Variants in SLC6A19 observed in about 807,000 individuals in gnomAD.
SLC6A19 encodes the protein sodium-dependent neutral amino acid transporter B(0)AT1.
Under a neutral mutation model 68.3 loss-of-function variants are expected in SLC6A19, and 67 were observed. That is an observed-to-expected ratio of 0.98 (90% CI 0.81 to 1.20). The LOEUF (loss-of-function observed/expected upper bound fraction) is 1.20. Ranked by LOEUF, SLC6A19 falls within the 50% of genes most tolerant of loss-of-function variation. The pLI, the probability that SLC6A19 is intolerant of heterozygous loss-of-function variation, is 0.00. For synonymous variants in SLC6A19, 392 were observed against 374.9 expected (o/e 1.05, Z -0.53); for missense variants, 813 against 851.6 (o/e 0.95, Z 0.56).
chr5:1,210,965 C>T (rs1746011934), intron 3 of SLC6A19, among the ~76,000 whole-genome samples: 1 of 152,236 alleles, frequency 6.6e-6, no homozygotes, highest in South Asian at 2.1e-4. Flanking sequence ...TGGGTCTGTC[C>T]TGCCCATGTG....
chr5:1,219,151 C>T, intron 9 of SLC6A19, 44 bp downstream of exon 9: 1 of 1,566,300 alleles, frequency 6.4e-7, no homozygotes, highest in South Asian at 1.2e-5. Context: ...ATGGTGCCAC[C>T]TGTGGGATGG....
intron 1 of SLC6A19, among the ~76,000 whole-genome samples, chr5:1,205,436 C>A (rs1745826717): frequency 1.3e-5 from 2 of 152,220 alleles, no homozygotes; most frequent in Non-Finnish European, 2.9e-5. Context: ...GTGTGCCCCC[C>A]ACCCCCAGTC....
At position 1,212,588 on chromosome 5, in the gene SLC6A19, G is replaced by A; in HGVS notation, c.663+104G>A. On this transcript the variant is annotated intron_variant, in intron 4 of 11. Transcript: ENST00000304460. This position sits in a 1 kb window ranked among gnomAD's most constrained non-coding sequence, Gnocchi z 5.1. ...TAAAACCCAGGTCTGGGGGTCCCGG[G>A]CTCTGCCTTTCCCCAGACCCCACCA... 3 of 1,445,206 alleles carry A rather than the reference G, an allele frequency of 2.1e-6. No homozygotes were observed. In the South Asian group the frequency reaches 3.5e-5, roughly 17 times the overall value. The allele number at this position is 1,445,206 out of a possible 1,614,324, so 89.5% of individuals were successfully genotyped here.
chr5:1,217,036 G>T, intron 8 of SLC6A19, 91 bp downstream of exon 8: 1 of 1,592,060 alleles, frequency 6.3e-7, no homozygotes, highest in South Asian at 1.1e-5. Flanking sequence ...GCCTGTGGAG[G>T]ACGCAGATGC....
At chr5:1,208,517 C>T (rs1400578775) in intron 1 of SLC6A19, among the ~76,000 whole-genome samples, 4 of 152,186 alleles carry the variant, frequency 2.6e-5, no homozygotes, top group African/African-American at 4.8e-5. Flanking sequence ...CATAGGCGAC[C>T]TCAGCCTGTG....
rs764728074 is a variant in SLC6A19, at chr5:1,212,271, A to G, written c.482-32A>G. 2.1e-5 allele frequency: 34 copies of G among 1,611,588 alleles called. No homozygotes were observed. The South Asian group carries it at 3.5e-4, about 17-fold the overall frequency. On this transcript the variant is annotated intron_variant, in intron 3 of 11. Transcript: ENST00000304460. The surrounding 1 kb of genome is among the most constrained non-coding windows in gnomAD (Gnocchi z 5.1). ...CATTCTCCTCCCTTGGGGGACCCGT[A>G]CCCTGAGGTGTGTGAATGGCCCTCT...
At chr5:1,219,893 G>T (rs893061936) in intron 10 of SLC6A19, among the ~76,000 whole-genome samples, 1 of 152,204 alleles carries the variant, frequency 6.6e-6, no homozygotes, top group Non-Finnish European at 1.5e-5. Context: ...GAGCCGGGAA[G>T]CCCAGTGGAG....
At position 1,214,306 on chromosome 5, in the gene SLC6A19, C is replaced by G. The variant is rs1160779970; in HGVS notation, c.887+241C>G. On this transcript the variant is annotated intron_variant, in intron 6 of 11. Transcript: ENST00000304460. The surrounding 1 kb of genome is among the most constrained non-coding windows in gnomAD (Gnocchi z 7.4). ...CCGGGCGCCTGCAGCTTTCCCCACA[C>G]CCGTCCCTCCACGAGCCTGGTGCAG... Among the ~76,000 whole-genome samples, 2 of 152,102 alleles carry G rather than the reference C, an allele frequency of 1.3e-5. 1 individual carries two copies.
chr5:1,203,330 C>T (rs115436399), intron 1 of SLC6A19, among the ~76,000 whole-genome samples: 2,571 of 152,308 alleles, frequency 0.017, 68 homozygotes, highest in African/African-American at 0.059. Context: ...CCGCTGTGCA[C>T]GGTGGAGCCT....
intron 1 of SLC6A19, among the ~76,000 whole-genome samples, chr5:1,205,530 G>A (rs1329204137): frequency 6.6e-6 from 1 of 152,240 alleles, no homozygotes; most frequent in Non-Finnish European, 1.5e-5. Context: ...CCTTCAGAAA[G>A]GAGAGCCACC....
intron 1 of SLC6A19, among the ~76,000 whole-genome samples, chr5:1,205,951 C>T (rs1327075016): frequency 2.0e-5 from 3 of 152,176 alleles, no homozygotes; most frequent in South Asian, 2.1e-4. Flanking sequence ...TCCAGCATCC[C>T]GCCAGCCCAC....
rs189960967 is a variant in SLC6A19, at chr5:1,215,875, G to T, written c.888-683G>T. Among the ~76,000 whole-genome samples, 1 of 152,168 alleles carries T rather than the reference G, an allele frequency of 6.6e-6. No individual in the cohort carries two copies. The highest frequency in any genetic ancestry group is 1.5e-5 in the Non-Finnish European group (1 of 68,026). On this transcript the variant is annotated intron_variant, in intron 6 of 11. Coordinates refer to ENST00000304460, the MANE Select transcript of SLC6A19 (RefSeq NM_001003841.3). This position sits in a 1 kb window ranked among gnomAD's most constrained non-coding sequence, Gnocchi z 5.1. ...GCGTGCAGGAAGCTCCAGTTTCCCC[G>T]TATCCTCACCAACACTTGTTATTGT...
Position 1,201,719 on chromosome 5 carries a change from C to T in SLC6A19, c.69C>T (p.Thr23=). Residue 23 remains threonine, a synonymous_variant, in exon 1 of 12, where the codon ACC becomes ACT. Transcript: ENST00000304460. ...ARIPSLAELE[T]IEQEEASSRP... ...TCCCGTCCCTGGCTGAGCTGGAGACCATCGAGCAGGAGGAGGCCAGCTCCC... is the reference window on the plus strand; with the variant it reads ...TCCCGTCCCTGGCTGAGCTGGAGACTATCGAGCAGGAGGAGGCCAGCTCCC... The T allele has an allele frequency of 6.2e-7, 1 of 1,612,412 alleles. No homozygotes were observed. The highest frequency in any genetic ancestry group is 1.1e-5 in the South Asian group (1 of 91,076).
At chr5:1,213,914 T>A (rs1056577072) in intron 5 of SLC6A19, 39 bp from the exon 6 acceptor site, 1 of 1,610,166 alleles carries the variant, frequency 6.2e-7, no homozygotes, top group African/African-American at 1.3e-5. Context: ...CATGGCCCCA[T>A]CTGCACCATG....
chr5:1,221,019 G>A (rs145982712), intron 10 of SLC6A19, 132 bp from the exon 11 acceptor site: 15 of 1,113,180 alleles, frequency 1.3e-5, no homozygotes, highest in Middle Eastern at 2.4e-4. Flanking sequence ...AGGAGGGAGG[G>A]ATCGGGCCCT....
At chr5:1,207,708 T>C (rs1478232643) in intron 1 of SLC6A19, among the ~76,000 whole-genome samples, 1 of 152,204 alleles carries the variant, frequency 6.6e-6, no homozygotes, top group African/African-American at 2.4e-5. Flanking sequence ...CTCCAGTCAG[T>C]TGAAACACTA....
chr5:1,213,700 C>T, intron 5 of SLC6A19, 127 bp downstream of exon 5: 1 of 1,099,950 alleles, frequency 9.1e-7, no homozygotes, highest in Non-Finnish European at 1.3e-6. Flanking sequence ...AGTCCCAGGC[C>T]TGAGGAGGTC....
Position 1,222,027 on chromosome 5 carries a change from G to A in SLC6A19, c.*123G>A. 1 of 1,091,604 alleles carries A rather than the reference G, an allele frequency of 9.2e-7. No individual in the cohort carries two copies. The highest frequency in any genetic ancestry group is 2.1e-5 in the Admixed American group (1 of 47,586). 67.6% of individuals were successfully genotyped at this position (1,091,604 alleles called of 1,614,324 possible). A position where few individuals can be genotyped will look rare whatever the true frequency, so the allele number is the denominator to read the frequency against. On this transcript the variant is annotated 3_prime_UTR_variant, in exon 12 of 12. Transcript: ENST00000304460. Reference sequence around the variant, plus strand: ...AGCGTGAGTGTATGCTCGTGTGTGAGTGTGTGTATTGTACACGCATGTGCC... The same window carrying A: ...AGCGTGAGTGTATGCTCGTGTGTGAATGTGTGTATTGTACACGCATGTGCC...
chr5:1,221,228 C>T lies in SLC6A19; in HGVS notation c.1616C>T (p.Pro539Leu). 1 of 1,614,136 alleles carries T rather than the reference C, an allele frequency of 6.2e-7. No homozygotes were observed. ...CAAGTCACGTGGCGCGTGGTCAGCCCCCTGCTCATGCTGATCATCTTCCTC... is the reference window on the plus strand; with the variant it reads ...CAAGTCACGTGGCGCGTGGTCAGCCTCCTGCTCATGCTGATCATCTTCCTC... Reference protein sequence around the residue: ...FWQVTWRVVSPLLMLIIFLFF... With the variant: ...FWQVTWRVVSLLLMLIIFLFF... Residue 539 changes from proline (P) to leucine (L), a missense_variant, in exon 11 of 12, where the codon CCC (proline) becomes CTC (leucine). Physicochemically the swap from Pro to Leu is moderately conservative, Grantham distance 98. Transcript: ENST00000304460.
Sources: gnomAD v4.1 joint callset for allele counts (sites outside exome capture counted in the v4.1 genomes callset) on GRCh38, gnomAD v4.1.1 for gene constraint, Gnocchi (gnomAD v3.1) non-coding constraint, MANE v1.5 for transcripts, NCBI Gene and HGNC (gene_info 2026-07-23, HGNC 2026-07-21) for gene names.